Variants in RPS27L observed in about 807,000 individuals in gnomAD.
RPS27L encodes the protein ribosomal protein S27 like.
Under a neutral mutation model 12.8 loss-of-function variants are expected in RPS27L, and 10 were observed. The observed-to-expected ratio is 0.78, with a 90% CI of 0.48 to 1.33. The LOEUF is 1.33. Ranked by LOEUF, RPS27L falls within the 40% of genes most tolerant of loss-of-function variation. The probability of loss-of-function intolerance (pLI) is 0.00; values close to 1 mark genes in which losing one functional copy is unlikely to be tolerated. For missense variants in RPS27L, 81 were observed against 97.4 expected (o/e 0.83, Z 0.71); for synonymous variants, 26 against 32.3 (o/e 0.81, Z 0.66).
chr15:63,157,316 G>A (rs1461118637), intron 1 of RPS27L, 84 bp downstream of exon 1: 23 of 1,482,032 alleles, frequency 1.6e-5, no homozygotes, highest in East Asian at 2.3e-5. Context: ...CTACAGGCCC[G>A]AGAGGCAGCC....
Position 63,157,413 on chromosome 15 carries a change from C to T in RPS27L, c.-8G>A, listed in dbSNP as rs1595722893. On this transcript the variant is annotated 5_prime_UTR_variant, in exon 1 of 4. Coordinates refer to ENST00000330964, the MANE Select transcript of RPS27L (RefSeq NM_015920.4). ...TAAACAACTCACAGGCATGTTGATC[C>T]TCTTGCAAGCTCAGCCCTACCAGAC... 1.2e-6 allele frequency: 2 copies of T among 1,614,154 alleles called. No individual in the cohort carries two copies. The highest frequency in any genetic ancestry group is 1.7e-6 in the Non-Finnish European group (2 of 1,179,980).
In RPS27L at chr15:63,153,894, A is replaced by G. The variant is rs1253367395; in HGVS notation, c.*138T>C. The G allele has an allele frequency of 1.5e-6, 1 of 685,888 alleles. No homozygotes were observed. The allele number at this position is 685,888 out of a possible 1,614,324, so 42.5% of individuals were successfully genotyped here. ...ACTTTATTGAAAAACTGACACCAAA[A>G]TAGGAGATTACTGCTGTATACCTTA... On this transcript the variant is annotated 3_prime_UTR_variant, in exon 4 of 4. Transcript: ENST00000330964.
At position 63,156,444 on chromosome 15, in the gene RPS27L, T is replaced by C; in HGVS notation, c.84A>G (p.Pro28=). The C allele has an allele frequency of 1.3e-6, 2 of 1,592,310 alleles. No individual in the cohort carries two copies. The highest frequency in any genetic ancestry group is 1.8e-5 in the Admixed American group (1 of 54,872). Reference sequence around the variant, plus strand: ...ATTTTACATCCATAAAGTAAGAATTTGGACTTTGTACTAGGCGTTTCTTTT... The same window carrying C: ...ATTTTACATCCATAAAGTAAGAATTCGGACTTTGTACTAGGCGTTTCTTTT... ...KHKKKRLVQS[P]NSYFMDVKCP... is the part of the protein sequence containing the mutation. The change falls in exon 2 of 4, where the codon CCA becomes CCG. Residue 28 remains proline (P), a synonymous_variant. Transcript: ENST00000330964.
At chr15:63,157,249 A>ATG in intron 1 of RPS27L, 151 bp downstream of exon 1, 2 of 867,958 alleles carry the variant, frequency 2.3e-6, no homozygotes. Context: ...AAGTCACTAC[A>ATG]TGCCCGCCAC....
chr15:63,152,505 T>C lies in RPS27L; in HGVS notation c.*1527A>G, dbSNP rs992304343. 6.6e-6 allele frequency: 1 copy of C among 150,828 alleles called. No individual in the cohort carries two copies. Among genetic ancestry groups the C allele is most frequent in the Non-Finnish European group, 1.5e-5 (1 of 67,724 alleles). 9.3% of individuals were successfully genotyped at this position (150,828 alleles called of 1,614,324 possible). On this transcript the variant is annotated 3_prime_UTR_variant, in exon 4 of 4. Transcript: ENST00000330964. ...ATATATATATTTTTTTTTTCTTTTT[T>C]TTTTTGAGACGGAGTTTCGTGCTTG...
At chr15:63,155,895 A>T (rs1004634121) in intron 2 of RPS27L, among the ~76,000 whole-genome samples, 164 bp from the exon 3 acceptor site, 5 of 152,248 alleles carry the variant, frequency 3.3e-5, no homozygotes, top group African/African-American at 1.2e-4. Context: ...ATTTTTTAAA[A>T]ACAGGTAAAA....
intron 2 of RPS27L, 129 bp from the exon 3 acceptor site, chr15:63,155,860 T>C (rs2037328993): frequency 6.4e-6 from 3 of 465,388 alleles, no homozygotes; most frequent in Middle Eastern, 5.7e-4. Flanking sequence ...ATGTGTAACA[T>C]AAACTTTTCT....
chr15:63,156,939 G>T, intron 1 of RPS27L: 2 of 371,186 alleles, frequency 5.4e-6, no homozygotes, highest in South Asian at 7.2e-5. Flanking sequence ...TGGCTCAACA[G>T]CTGATCTGAC....
rs866980402 is a variant in RPS27L, at chr15:63,156,776, C to G, written c.7-255G>C. On this transcript the variant is annotated intron_variant, in intron 1 of 3. Coordinates refer to ENST00000330964, the MANE Select transcript of RPS27L (RefSeq NM_015920.4). ...ATATGGTAAGGCAAACTTTGTCCTT[C>G]TTTACTCAACTGCGTAATGAACTGT... 1.2e-4 allele frequency: 70 copies of G among 587,140 alleles called. 1 individual carries two copies. The highest frequency in any genetic ancestry group is 6.2e-4 in the South Asian group (28 of 45,282). The allele number at this position is 587,140 out of a possible 1,614,324, so 36.4% of individuals were successfully genotyped here.
At position 63,152,486 on chromosome 15, in the gene RPS27L, A is replaced by T. The variant is rs985440141; in HGVS notation, c.*1546T>A. 2.4e-5 allele frequency: 3 copies of T among 124,944 alleles called. No individual in the cohort carries two copies. Among genetic ancestry groups the T allele is most frequent in the African/African-American group, 5.6e-5 (2 of 35,730 alleles). 7.7% of individuals were successfully genotyped at this position (124,944 alleles called of 1,614,324 possible). ...CATCTACATATATATGTATATATAT[A>T]TATTTTTTTTTTCTTTTTTTTTTTG... On this transcript the variant is annotated 3_prime_UTR_variant, in exon 4 of 4. Transcript: ENST00000330964.
intron 3 of RPS27L, chr15:63,155,207 G>C (rs1353458243): frequency 6.6e-6 from 1 of 152,430 alleles, no homozygotes; most frequent in Non-Finnish European, 1.5e-5. Flanking sequence ...AGAATCACTT[G>C]AACCGGGGAG....
At chr15:63,156,622 C>T in intron 1 of RPS27L, 101 bp from the exon 2 acceptor site, 1 of 756,128 alleles carries the variant, frequency 1.3e-6, no homozygotes, top group Non-Finnish European at 2.3e-6. Context: ...TAACGGTCAT[C>T]CTCGGCAGAA....
In RPS27L at chr15:63,150,869, T is replaced by A. The variant is rs2037295763; in HGVS notation, c.*3163A>T. The stretch of plus-strand genomic sequence containing the variant: ...GTTAGCCAGGGTGGTCTCGATCTCC[T>A]GACCTCGTGATCCACCCGCCTCGGC... On this transcript the variant is annotated 3_prime_UTR_variant, in exon 4 of 4. Transcript: ENST00000330964. The A allele has an allele frequency of 6.6e-6, 1 of 152,264 alleles. No homozygotes were observed. The allele number at this position is 152,264 out of a possible 1,614,324, so 9.4% of individuals were successfully genotyped here. A position where few individuals can be genotyped will look rare whatever the true frequency, so the allele number is the denominator to read the frequency against.
chr15:63,149,775 T>C lies in RPS27L; in HGVS notation c.*4257A>G, dbSNP rs1406100805. 6.6e-6 allele frequency: 1 copy of C among 152,084 alleles called. No homozygotes were observed. The highest frequency in any genetic ancestry group is 1.5e-5 in the Non-Finnish European group (1 of 67,994). The allele number at this position is 152,084 out of a possible 1,614,324, so 9.4% of individuals were successfully genotyped here. On this transcript the variant is annotated 3_prime_UTR_variant, in exon 4 of 4. Coordinates refer to ENST00000330964, the MANE Select transcript of RPS27L (RefSeq NM_015920.4). The stretch of plus-strand genomic sequence containing the variant: ...GCAAAATGGATTTTGCAGATGTCAT[T>C]AAGAATACTTTATTTGGCCGGATGC...
At chr15:63,157,314 C>T in intron 1 of RPS27L, 86 bp downstream of exon 1, 1 of 1,473,970 alleles carries the variant, frequency 6.8e-7, no homozygotes, top group Non-Finnish European at 9.5e-7. Flanking sequence ...CACTACAGGC[C>T]CGAGAGGCAG....
At position 63,152,030 on chromosome 15, in the gene RPS27L, C is replaced by G. The variant is rs1365023190; in HGVS notation, c.*2002G>C. 6.6e-6 allele frequency: 1 copy of G among 152,322 alleles called. No homozygotes were observed. Among genetic ancestry groups the G allele is most frequent in the African/African-American group, 2.4e-5 (1 of 41,452 alleles). 9.4% of individuals were successfully genotyped at this position (152,322 alleles called of 1,614,324 possible). On this transcript the variant is annotated 3_prime_UTR_variant, in exon 4 of 4. Coordinates refer to ENST00000330964, the MANE Select transcript of RPS27L (RefSeq NM_015920.4). Reference sequence around the variant, plus strand: ...TCAGGCTGGGCACAGTGGCTCACACCTGTAATCCCAGCACTTTGGTAGGCC... The same window carrying G: ...TCAGGCTGGGCACAGTGGCTCACACGTGTAATCCCAGCACTTTGGTAGGCC...
rs1277058308 is a variant in RPS27L at position 63,148,926 on chromosome 15, T to C, written c.*5106A>G. 1 of 149,374 alleles carries C rather than the reference T, an allele frequency of 6.7e-6. No homozygotes were observed. Among genetic ancestry groups the C allele is most frequent in the Non-Finnish European group, 1.5e-5 (1 of 67,798 alleles). The allele number at this position is 149,374 out of a possible 1,614,324, so 9.3% of individuals were successfully genotyped here. ...CAGGCTGGAGTGCAGTGGTACGATC[T>C]GGGCTCACTGCAAGCTCCGCCTCCC... On this transcript the variant is annotated 3_prime_UTR_variant, in exon 4 of 4. Coordinates refer to ENST00000330964, the MANE Select transcript of RPS27L (RefSeq NM_015920.4).
Position 63,157,430 on chromosome 15 carries a change from C to T in RPS27L, c.-25G>A, listed in dbSNP as rs772614325. ...TGTTGATCCTCTTGCAAGCTCAGCC[C>T]TACCAGACCTCCCAGCCCACACAGC... is the stretch of plus-strand genomic sequence containing the variant. On this transcript the variant is annotated 5_prime_UTR_variant, in exon 1 of 4. Coordinates refer to ENST00000330964, the MANE Select transcript of RPS27L (RefSeq NM_015920.4). The T allele has an allele frequency of 6.2e-7, 1 of 1,614,014 alleles. No homozygotes were observed. Among genetic ancestry groups the T allele is most frequent in the Non-Finnish European group, 8.5e-7 (1 of 1,179,866 alleles).
chr15:63,157,439 C>G lies in RPS27L; in HGVS notation c.-34G>C, dbSNP rs1443111029. 1 of 1,613,734 alleles carries G rather than the reference C, an allele frequency of 6.2e-7. No homozygotes were observed. The highest frequency in any genetic ancestry group is 8.5e-7 in the Non-Finnish European group (1 of 1,179,634). ...TCTTGCAAGCTCAGCCCTACCAGAC[C>G]TCCCAGCCCACACAGCTAGCAAGCT... On this transcript the variant is annotated 5_prime_UTR_variant, in exon 1 of 4. Transcript: ENST00000330964.
Sources: gnomAD v4.1 joint callset for allele counts (sites outside exome capture counted in the v4.1 genomes callset) on GRCh38, gnomAD v4.1.1 for gene constraint, MANE v1.5 for transcripts, NCBI Gene and HGNC (gene_info 2026-07-23, HGNC 2026-07-21) for gene names.